ZNF618: variants seen among roughly 807,000 people sequenced by gnomAD.
The protein encoded by ZNF618 is zinc finger protein 618, also known as neural precursor cell expressed, developmentally down-regulated 10.
In ZNF618, 34 loss-of-function variants were observed where a neutral mutation model predicts 103.0. The observed-to-expected ratio is 0.33, with a 90% CI of 0.25 to 0.44. The LOEUF (loss-of-function observed/expected upper bound fraction) is 0.44. Ranked by LOEUF, ZNF618 falls within the 20% of genes least tolerant of loss-of-function variation. The probability of loss-of-function intolerance (pLI) is 1.00; values close to 1 mark genes in which losing one functional copy is unlikely to be tolerated. For missense variants in ZNF618, 1,059 were observed against 1,295.4 expected (o/e 0.82, Z 2.80); for synonymous variants, 551 against 542.2 (o/e 1.02, Z -0.23).
At chr9:113,947,665 G>T (rs1588121774) in intron 1 of ZNF618, among the ~76,000 whole-genome samples, 1 of 152,164 alleles carries the variant, frequency 6.6e-6, no homozygotes, top group East Asian at 1.9e-4. Context: ...GAGACCCCTT[G>T]GGATGAGGCT....
In ZNF618 at chr9:113,983,244, A is replaced by T. The variant is rs1029408235; in HGVS notation, c.78-5077A>T. Among the ~76,000 whole-genome samples the T allele has an allele frequency of 8.9e-4, 136 of 152,318 alleles. 1 individual carries two copies. Among genetic ancestry groups the T allele is most frequent in the Non-Finnish European group, 3.1e-4 (21 of 68,036 alleles). On this transcript the variant is annotated intron_variant, in intron 2 of 14. Coordinates refer to ENST00000374126, the MANE Select transcript of ZNF618 (RefSeq NM_001318042.2). ...TTAAAAAATGATATATGAAAAAAAAATTTTAAAGAAGTTAGAAGGAGCTGC... is the reference window on the plus strand; with the variant it reads ...TTAAAAAATGATATATGAAAAAAAATTTTTAAAGAAGTTAGAAGGAGCTGC...
At chr9:114,008,420 G>A in intron 8 of ZNF618, 41 bp downstream of exon 8, 1 of 1,613,942 alleles carries the variant, frequency 6.2e-7, no homozygotes, top group African/African-American at 1.3e-5. Context: ...CCTGTCCCCG[G>A]CTGGGCTCCT....
intron 10 of ZNF618, among the ~76,000 whole-genome samples, chr9:114,019,893 G>A (rs933740261): frequency 2.0e-5 from 3 of 152,052 alleles, no homozygotes; most frequent in Non-Finnish European, 4.4e-5. Context: ...TGCTTTTTGG[G>A]TTCTACCTCA....
At chr9:113,911,054 G>C (rs1270875421) in intron 1 of ZNF618, among the ~76,000 whole-genome samples, 3 of 152,068 alleles carry the variant, frequency 2.0e-5, no homozygotes, top group Non-Finnish European at 4.4e-5. Context: ...GGCTGGTCTT[G>C]AATTCCTGAC....
intron 2 of ZNF618, among the ~76,000 whole-genome samples, chr9:113,981,807 C>A (rs1839004068): frequency 6.6e-6 from 1 of 152,230 alleles, no homozygotes; most frequent in Admixed American, 6.5e-5. Context: ...CTTGGCCATG[C>A]CTTTCCTTCA....
intron 6 of ZNF618, 63 bp from the exon 7 acceptor site, chr9:114,007,287 G>T: frequency 6.7e-7 from 1 of 1,496,690 alleles, no homozygotes; most frequent in Non-Finnish European, 9.2e-7. Context: ...GATCTGGCCA[G>T]AAAAACCCCA....
chr9:113,992,969 G>T (rs1289622949), intron 3 of ZNF618, among the ~76,000 whole-genome samples: 1 of 152,214 alleles, frequency 6.6e-6, no homozygotes, highest in Non-Finnish European at 1.5e-5. Context: ...ATTGGAGCTG[G>T]TGCAGGGTTT....
intron 1 of ZNF618, among the ~76,000 whole-genome samples, chr9:113,939,283 T>C (rs1218557310): frequency 6.6e-6 from 1 of 151,804 alleles, no homozygotes; most frequent in Admixed American, 6.6e-5. Flanking sequence ...TTTTTTTGTT[T>C]GTTGTTTGTT....
intron 1 of ZNF618, among the ~76,000 whole-genome samples, chr9:113,965,800 C>T (rs1837346481): frequency 6.6e-6 from 1 of 152,198 alleles, no homozygotes; most frequent in Non-Finnish European, 1.5e-5. Context: ...GATGGTGGAA[C>T]AACAGCAGCT....
intron 1 of ZNF618, among the ~76,000 whole-genome samples, chr9:113,963,363 A>G (rs969308638): frequency 6.6e-6 from 1 of 152,244 alleles, no homozygotes; most frequent in African/African-American, 2.4e-5. Context: ...ATGGTGTCGT[A>G]TGTATTTGGT....
At position 114,032,838 on chromosome 9, in the gene ZNF618, G is replaced by A. The variant is rs1416899462; in HGVS notation, c.1168+110G>A. 3 of 942,356 alleles carry A rather than the reference G, an allele frequency of 3.2e-6. No individual in the cohort carries two copies. In the African/African-American group the frequency reaches 4.9e-5, roughly 15 times the overall value. 58.4% of individuals were successfully genotyped at this position (942,356 alleles called of 1,614,324 possible). The stretch of plus-strand genomic sequence containing the variant: ...GGCTGGGGTCTTTGTGGTGCATTAT[G>A]GATCTTGTTGGGAGGAGGCTGGGAG... On this transcript the variant is annotated intron_variant, in intron 12 of 14. Transcript: ENST00000374126.
chr9:113,916,916 T>C (rs900493070), intron 1 of ZNF618, among the ~76,000 whole-genome samples: 1 of 152,186 alleles, frequency 6.6e-6, no homozygotes, highest in Non-Finnish European at 1.5e-5. Context: ...ATTTAAACTT[T>C]ATTTACTGGC....
At chr9:114,002,268 G>A (rs933638344) in intron 5 of ZNF618, among the ~76,000 whole-genome samples, 195 bp downstream of exon 5, 1 of 152,180 alleles carries the variant, frequency 6.6e-6, no homozygotes, top group South Asian at 2.1e-4. Context: ...CAGCTCAGGT[G>A]TGGGAGGGGG....
chr9:113,977,878 A>G (rs1838626101), intron 2 of ZNF618, among the ~76,000 whole-genome samples: 1 of 152,186 alleles, frequency 6.6e-6, no homozygotes, highest in Non-Finnish European at 1.5e-5. Context: ...GTTTAACTTA[A>G]CCAGGAAATT....
At chr9:114,012,400 C>T (rs956966066) in intron 9 of ZNF618, among the ~76,000 whole-genome samples, 1 of 152,156 alleles carries the variant, frequency 6.6e-6, no homozygotes, top group African/African-American at 2.4e-5. Context: ...CTAATAAGGG[C>T]ACTAATCCCA....
rs1845905859 is a variant in ZNF618 at position 114,049,049 on chromosome 9, G to A, written c.1747G>A (p.Val583Met). The change falls in exon 15 of 15, where the codon GTG becomes ATG. Residue 583 changes from valine (V) to methionine (M), a missense_variant. By Grantham distance (21) the Val-to-Met change is conservative (BLOSUM62 1). Transcript: ENST00000374126. ...GNHIKSYVLGVKGADIRDSGD... is the reference protein window; with the variant it reads ...GNHIKSYVLGMKGADIRDSGD... Reference sequence around the variant, plus strand: ...CCACATCAAGAGCTATGTGCTTGGTGTGAAGGGTGCGGACATTCGCGACAG... The same window carrying A: ...CCACATCAAGAGCTATGTGCTTGGTATGAAGGGTGCGGACATTCGCGACAG... 1 of 1,613,916 alleles carries A rather than the reference G, an allele frequency of 6.2e-7. No individual in the cohort carries two copies. The highest frequency in any genetic ancestry group is 8.5e-7 in the Non-Finnish European group (1 of 1,179,884).
intron 9 of ZNF618, among the ~76,000 whole-genome samples, chr9:114,009,487 A>G (rs750681481): frequency 6.6e-6 from 1 of 152,068 alleles, no homozygotes; most frequent in Non-Finnish European, 1.5e-5. Context: ...TGGGAGGAAG[A>G]TAGATTGGGA....
chr9:114,035,766 G>C (rs954513532), intron 12 of ZNF618, among the ~76,000 whole-genome samples: 1 of 151,418 alleles, frequency 6.6e-6, no homozygotes. Context: ...CTCCCTTTCC[G>C]CATCAGATCC....
intron 10 of ZNF618, among the ~76,000 whole-genome samples, chr9:114,021,439 C>T (rs755744539): frequency 5.9e-5 from 9 of 152,168 alleles, no homozygotes; most frequent in East Asian, 1.9e-4. Context: ...CTTTTGATAT[C>T]ACTCCCAAAA....
Sources: gnomAD v4.1 joint callset for allele counts (sites outside exome capture counted in the v4.1 genomes callset) on GRCh38, gnomAD v4.1.1 for gene constraint, MANE v1.5 for transcripts, NCBI Gene and HGNC (gene_info 2026-07-23, HGNC 2026-07-21) for gene names.